Variants in TBX5 observed in about 807,000 individuals in gnomAD.
TBX5 encodes the protein T-box transcription factor 5.
A neutral mutation model predicts 51.1 loss-of-function variants in TBX5; 8 were observed. The observed-to-expected ratio is 0.16, with a 90% CI of 0.09 to 0.28. TBX5 has a LOEUF of 0.28. TBX5 is among the 10% of genes least tolerant of loss of function. The pLI, the probability that TBX5 is intolerant of heterozygous loss-of-function variation, is 1.00. For missense variants in TBX5, 589 were observed against 671.7 expected (o/e 0.88, Z 1.36); for synonymous variants, 302 against 266.4 (o/e 1.13, Z -1.30).
intron 6 of TBX5, among the ~76,000 whole-genome samples, chr12:114,388,675 CGTGTGTGTGTGTGTGTGTGTGT>C (rs59385091): frequency 3.2e-5 from 4 of 124,382 alleles, no homozygotes; most frequent in African/African-American, 1.2e-4. Context: ...TTAAAGTATC[CGTGTGTGTGTGTGTGTGTGTGT>C]GTGTGTGTGT....
intron 7 of TBX5, among the ~76,000 whole-genome samples, chr12:114,379,665 C>A (rs533482454): frequency 6.6e-6 from 1 of 152,318 alleles, no homozygotes; most frequent in Admixed American, 6.5e-5. Flanking sequence ...AACAGACACT[C>A]CTCGGTCGAG....
In TBX5 at chr12:114,375,057, A is replaced by G. The variant is rs537254065; in HGVS notation, c.756-8666T>C. On this transcript the variant is annotated intron_variant, in intron 7 of 8. Transcript: ENST00000405440. Reference sequence around the variant, plus strand: ...TTCTCACACGCCTTCGATTTTTCATAATAGAACACTGAGGGGAGGACTACA... The same window carrying G: ...TTCTCACACGCCTTCGATTTTTCATGATAGAACACTGAGGGGAGGACTACA... 2.0e-5 allele frequency among the ~76,000 whole-genome samples: 3 copies of G among 152,326 alleles called. No homozygotes were observed. In the East Asian group the frequency reaches 5.8e-4, roughly 29 times the overall value.
At position 114,401,853 on chromosome 12, in the gene TBX5, G is replaced by A. The variant is rs863223779; in HGVS notation, c.215C>T (p.Thr72Met). Residue 72 changes from threonine to methionine, a missense_variant, in exon 3 of 9, where the codon ACG becomes ATG. Around this residue, in one of 7 missense-constraint regions of TBX5, gnomAD observed 13 missense variants for 32.0 expected, o/e 0.41. Transcript: ENST00000405440. ...TCCAGCCTTGGTTATGATCATTTCC[G>A]TGCCCACTTCGTGGAATTTTAGCCA... ...ELWLKFHEVG[T>M]EMIITKAGRR... 4 of 1,613,824 alleles carry A rather than the reference G, an allele frequency of 2.5e-6. No individual in the cohort carries two copies. The highest frequency in any genetic ancestry group is 3.4e-6 in the Non-Finnish European group (4 of 1,179,982).
chr12:114,375,504 G>A (rs1199701041), intron 7 of TBX5, among the ~76,000 whole-genome samples: 4 of 152,186 alleles, frequency 2.6e-5, no homozygotes, highest in Middle Eastern at 3.4e-3. Flanking sequence ...CTCAAAAGAA[G>A]ACATACAAAT....
chr12:114,398,657 G>C lies in TBX5; in HGVS notation c.426C>G (p.Pro142=). 6.2e-7 allele frequency: 1 copy of C among 1,613,048 alleles called. No individual in the cohort carries two copies. Among genetic ancestry groups the C allele is most frequent in the African/African-American group, 1.3e-5 (1 of 75,050 alleles). The stretch of plus-strand genomic sequence containing the variant: ...GCCTCATCCAATGCGCCCCGGTGGC[G>C]GGGGAGTCTGGGTGCACGTACAGGC... ...PGRLYVHPDS[P]ATGAHWMRQL... Residue 142 remains proline, a synonymous_variant, in exon 5 of 9, where the codon CCC becomes CCG. Transcript: ENST00000405440.
At chr12:114,393,970 A>G (rs73394804) in intron 6 of TBX5, among the ~76,000 whole-genome samples, 3,309 of 152,334 alleles carry the variant, frequency 0.022, 102 homozygotes, top group African/African-American at 0.076. Flanking sequence ...AGGAAAGTCC[A>G]ATCCTAAGGA....
chr12:114,392,394 C>A (rs567918817), intron 6 of TBX5, among the ~76,000 whole-genome samples: 1 of 152,098 alleles, frequency 6.6e-6, no homozygotes, highest in South Asian at 2.1e-4. Flanking sequence ...TCAAATATGG[C>A]AGTTTATTAG....
intron 2 of TBX5, among the ~76,000 whole-genome samples, chr12:114,402,434 T>A (rs764974170): frequency 2.0e-5 from 3 of 152,188 alleles, no homozygotes; most frequent in Non-Finnish European, 2.9e-5. Flanking sequence ...ACATCAAACA[T>A]ACAGATGTGC....
chr12:114,356,498 G>A (rs1238286394), intron 8 of TBX5, among the ~76,000 whole-genome samples: 1 of 152,116 alleles, frequency 6.6e-6, no homozygotes, highest in Admixed American at 6.5e-5. Flanking sequence ...GGGAGGCCAA[G>A]GAAAAAGGAT....
intron 8 of TBX5, among the ~76,000 whole-genome samples, chr12:114,357,967 C>T (rs984421497): frequency 6.6e-6 from 1 of 152,150 alleles, no homozygotes; most frequent in South Asian, 2.1e-4. Flanking sequence ...TTATTGAGTA[C>T]CTACTACATG....
chr12:114,405,600 C>A, intron 1 of TBX5, 28 bp downstream of exon 1: 1 of 711,790 alleles, frequency 1.4e-6, no homozygotes, highest in East Asian at 1.3e-4. Context: ...CCTCCTGAGC[C>A]TCCCGGGCCA....
intron 5 of TBX5, among the ~76,000 whole-genome samples, chr12:114,395,129 A>G (rs1216181843): frequency 6.6e-6 from 1 of 152,234 alleles, no homozygotes; most frequent in African/African-American, 2.4e-5. Context: ...CAAGGCACAC[A>G]GAGCAGTAAA....
chr12:114,379,295 A>G (rs1870376575), intron 7 of TBX5, among the ~76,000 whole-genome samples: 1 of 152,170 alleles, frequency 6.6e-6, no homozygotes, highest in Non-Finnish European at 1.5e-5. Context: ...TTTCACCACA[A>G]GCAGCATTTA....
chr12:114,404,058 G>A, intron 1 of TBX5, 122 bp from the exon 2 acceptor site: 2 of 1,010,232 alleles, frequency 2.0e-6, no homozygotes, highest in Non-Finnish European at 3.0e-6. Flanking sequence ...CCAGCTACCA[G>A]CACCTCCGTT....
chr12:114,378,549 C>T (rs981223450), intron 7 of TBX5, among the ~76,000 whole-genome samples: 3 of 152,332 alleles, frequency 2.0e-5, no homozygotes, highest in East Asian at 1.9e-4. Context: ...TTTTAAAATG[C>T]GTCGACGAAT....
At chr12:114,403,528 G>A (rs1004176873) in intron 2 of TBX5, among the ~76,000 whole-genome samples, 1 of 152,200 alleles carries the variant, frequency 6.6e-6, no homozygotes, top group African/African-American at 2.4e-5. Context: ...AAAGATAACC[G>A]TCACAATAAA....
At chr12:114,370,599 A>G (rs1869840615) in intron 7 of TBX5, among the ~76,000 whole-genome samples, 1 of 151,844 alleles carries the variant, frequency 6.6e-6, no homozygotes, top group Non-Finnish European at 1.5e-5. Context: ...GTGTCCTCAC[A>G]TGCCAGGCAG....
chr12:114,393,002 G>A (rs1254338707), intron 6 of TBX5, among the ~76,000 whole-genome samples: 2 of 152,152 alleles, frequency 1.3e-5, no homozygotes, highest in African/African-American at 2.4e-5. Context: ...GACAGGCTTT[G>A]TGGCCTGGAA....
chr12:114,372,237 T>G (rs1001285282), intron 7 of TBX5, among the ~76,000 whole-genome samples: 1 of 152,152 alleles, frequency 6.6e-6, no homozygotes, highest in African/African-American at 2.4e-5. Context: ...ACTCTCTAAA[T>G]TTATACAAAT....
Sources: allele counts gnomAD v4.1 joint callset (sites outside exome capture counted in the v4.1 genomes callset), GRCh38; gene constraint gnomAD v4.1.1; regional missense constraint gnomAD v4.1.1; transcripts MANE v1.5; gene names NCBI Gene and HGNC (gene_info 2026-07-23, HGNC 2026-07-21).